Variants in AKAP19 observed in about 807,000 individuals in gnomAD.
The protein encoded by AKAP19 is A-kinase anchoring protein 19, also known as small A-kinase anchoring protein.
the AKAP19 span, among the ~76,000 whole-genome samples, chr2:190,192,695 T>A: frequency 7.9e-5 from 12 of 152,164 alleles, no homozygotes; most frequent in African/African-American, 2.9e-4. Context: ...TCAGTAACAT[T>A]TTGTATTTTT....
chr2:190,079,530 G>C, the AKAP19 span: 1 of 152,320 alleles, frequency 6.6e-6, no homozygotes, highest in Non-Finnish European at 1.5e-5. Flanking sequence ...ACGATTTTGG[G>C]CTGGGCGCAG....
At chr2:189,971,148 G>A in the AKAP19 span, among the ~76,000 whole-genome samples, 2 of 151,802 alleles carry the variant, frequency 1.3e-5, no homozygotes, top group Non-Finnish European at 2.9e-5. Flanking sequence ...CCAACCCCAC[G>A]ACAGGCCCCA....
chr2:190,095,270 G>T, the AKAP19 span, among the ~76,000 whole-genome samples: 3 of 152,096 alleles, frequency 2.0e-5, no homozygotes, highest in African/African-American at 7.2e-5. Flanking sequence ...AGCACTAAAT[G>T]TAATTGCTAT....
chr2:190,171,915 A>G, the AKAP19 span, among the ~76,000 whole-genome samples: 2 of 152,180 alleles, frequency 1.3e-5, no homozygotes, highest in African/African-American at 4.8e-5. Flanking sequence ...ACTGATCTCT[A>G]CCCACATGTT....
At chr2:190,119,523 TGTG>T in the AKAP19 span, among the ~76,000 whole-genome samples, 1 of 152,112 alleles carries the variant, frequency 6.6e-6, no homozygotes, top group African/African-American at 2.4e-5. Flanking sequence ...TCCAGGCACA[TGTG>T]GGGGCAAGGG....
chr2:190,197,284 T>G, the AKAP19 span, among the ~76,000 whole-genome samples: 1 of 152,204 alleles, frequency 6.6e-6, no homozygotes. The surrounding 1 kb of genome is among the most constrained non-coding windows in gnomAD (Gnocchi z 4.0). Flanking sequence ...GGTGTCGCAT[T>G]TCTTGAGTAG....
At chr2:189,965,905 A>T in the AKAP19 span, among the ~76,000 whole-genome samples, 1 of 152,278 alleles carries the variant, frequency 6.6e-6, no homozygotes, top group African/African-American at 2.4e-5. Context: ...CCAAATGCCC[A>T]TCAATCAATG....
the AKAP19 span, among the ~76,000 whole-genome samples, chr2:190,034,856 C>CAAAAAAAAAAA: frequency 2.9e-5 from 2 of 68,638 alleles, no homozygotes; most frequent in East Asian, 4.4e-4. Context: ...CCTGTCTCAC[C>CAAAAAAAAAAA]AAAAAAAAAA....
the AKAP19 span, among the ~76,000 whole-genome samples, chr2:190,145,676 A>C: frequency 4.6e-5 from 7 of 152,118 alleles, no homozygotes; most frequent in Admixed American, 6.5e-5. Context: ...GCTATATCTT[A>C]CTGCCTGAGT....
the AKAP19 span, among the ~76,000 whole-genome samples, chr2:190,075,807 T>C: frequency 0.017 from 2,624 of 152,268 alleles, 123 homozygotes; most frequent in East Asian, 0.18. Flanking sequence ...TGCCTTTTGA[T>C]TGGAGTTTTT....
At chr2:190,185,388 G>C in the AKAP19 span, among the ~76,000 whole-genome samples, 1 of 152,192 alleles carries the variant, frequency 6.6e-6, no homozygotes, top group Admixed American at 6.5e-5. Flanking sequence ...AATGTGACTG[G>C]AGGAGGTGGT....
chr2:189,964,199 T>C, the AKAP19 span, among the ~76,000 whole-genome samples: 2 of 152,210 alleles, frequency 1.3e-5, no homozygotes, highest in East Asian at 3.8e-4. Context: ...TTTTGGGTGA[T>C]GAGGTGCATT....
the AKAP19 span, among the ~76,000 whole-genome samples, chr2:190,140,538 T>C: frequency 6.6e-6 from 1 of 152,146 alleles, no homozygotes; most frequent in East Asian, 1.9e-4. Context: ...CTCAACACCA[T>C]GTGGAAGCTG....
the AKAP19 span, among the ~76,000 whole-genome samples, chr2:190,197,620 C>G: frequency 6.6e-6 from 1 of 152,158 alleles, no homozygotes; most frequent in South Asian, 2.1e-4. The surrounding 1 kb of genome is among the most constrained non-coding windows in gnomAD (Gnocchi z 4.0). Flanking sequence ...CTGGGAGATA[C>G]CCCCAGGTAG....
the AKAP19 span, among the ~76,000 whole-genome samples, chr2:190,070,446 T>TAA: frequency 1.4e-5 from 2 of 142,532 alleles, no homozygotes; most frequent in Admixed American, 7.0e-5. Flanking sequence ...ACTTATAGTT[T>TAA]AAAAAAAAAA....
At chr2:190,058,929 G>T in the AKAP19 span, among the ~76,000 whole-genome samples, 82 of 151,704 alleles carry the variant, frequency 5.4e-4, no homozygotes, top group African/African-American at 1.9e-3. Context: ...CTTCACCACT[G>T]TACAATTCAT....
chr2:190,121,113 C>CTTTTTTTTTTTTTTTTTTTTT, the AKAP19 span, among the ~76,000 whole-genome samples: 1 of 133,632 alleles, frequency 7.5e-6, no homozygotes, highest in Non-Finnish European at 1.6e-5. Context: ...AAATCTAAGT[C>CTTTTTTTTTTTTTTTTTTTTT]TTTTTTTTTT....
the AKAP19 span, among the ~76,000 whole-genome samples, chr2:189,895,509 G>A: frequency 7.9e-5 from 12 of 152,048 alleles, no homozygotes; most frequent in African/African-American, 2.9e-4. Context: ...TAACCCAGAA[G>A]GCAATCTATT....
the AKAP19 span, among the ~76,000 whole-genome samples, chr2:190,123,862 CACCATCCA>C: frequency 1.3e-5 from 2 of 152,100 alleles, no homozygotes. Context: ...TGTGAGTGGC[CACCATCCA>C]ATCAGCTGGG....
Sources: gnomAD v4.1 joint callset for allele counts (sites outside exome capture counted in the v4.1 genomes callset) on GRCh38, gnomAD v4.1.1 for gene constraint, Gnocchi (gnomAD v3.1) non-coding constraint, MANE v1.5 for transcripts, NCBI Gene and HGNC (gene_info 2026-07-23, HGNC 2026-07-21) for gene names.